Variants in TAF6L observed in about 807,000 individuals in gnomAD.
TAF6L encodes the protein TATA-box binding protein associated factor 6 like, also known as TAF6-like RNA polymerase II p300/CBP-associated factor-associated factor 65 kDa subunit 6L.
Under a neutral mutation model 57.3 loss-of-function variants are expected in TAF6L, and 34 were observed. The observed-to-expected ratio is 0.59, with a 90% confidence interval of 0.45 to 0.79. TAF6L has a LOEUF of 0.79. Ranked by LOEUF, TAF6L falls within the 30% of genes least tolerant of loss-of-function variation. The pLI is 0.00. For missense variants in TAF6L, 782 were observed against 853.2 expected (o/e 0.92, Z 1.04); for synonymous variants, 417 against 376.3 (o/e 1.11, Z -1.25).
chr11:62,786,339 C>T lies in TAF6L; in HGVS notation c.1040C>T (p.Ser347Phe). 3.1e-6 allele frequency: 5 copies of T among 1,614,220 alleles called. No individual in the cohort carries two copies. The highest frequency in any genetic ancestry group is 4.2e-6 in the Non-Finnish European group (5 of 1,180,036). ...LQAVLDDYSV[S>F]NAQVKADGHK... ...GCTGTGCTGGATGATTATTCAGTAT[C>T]TAATGCCCAGGTCAAAGCAGATGGA... Residue 347 changes from serine (S) to phenylalanine (F), a missense_variant, in exon 10 of 11, where the codon TCT becomes TTT. By Grantham distance (155) the Ser-to-Phe change is radical (BLOSUM62 -2). This residue lies in a region of TAF6L where 483 missense variants were observed against 445.1 expected (regional missense o/e 1.09). Transcript: ENST00000294168.
At chr11:62,776,277 C>T (rs760788061) in intron 2 of TAF6L, 107 bp from the exon 3 acceptor site, 19 of 1,099,520 alleles carry the variant, frequency 1.7e-5, no homozygotes, top group East Asian at 2.5e-5. Context: ...GATCCCTAAG[C>T]GTGGTCTCCT....
rs1565192037 is a variant in TAF6L at position 62,787,319 on chromosome 11, GTAAA to G, written c.*29_*32del. 1 of 1,526,466 alleles carries G rather than the reference GTAAA, an allele frequency of 6.6e-7. No individual in the cohort carries two copies. Among genetic ancestry groups the G allele is most frequent in the African/African-American group, 1.4e-5 (1 of 71,614 alleles). The allele number at this position is 1,526,466 out of a possible 1,614,324, so 94.6% of individuals were successfully genotyped here. On this transcript the variant is annotated 3_prime_UTR_variant, in exon 11 of 11. Transcript: ENST00000294168. ...TGAGTCAGTGGCCCCTTCGTTCCTT[GTAAA>G]TAAATCCCGCCCCCGGAAATGACGT...
chr11:62,778,495 A>T (rs1190450704), intron 5 of TAF6L, 160 bp downstream of exon 5: 1 of 823,538 alleles, frequency 1.2e-6, no homozygotes, highest in African/African-American at 1.7e-5. Flanking sequence ...TGGAGGGCTC[A>T]GAGTTGGAGA....
Position 62,778,032 on chromosome 11 carries a change from G to A in TAF6L, c.289G>A (p.Gly97Ser), listed in dbSNP as rs376999644. The A allele has an allele frequency of 5.0e-5, 81 of 1,614,060 alleles. No homozygotes were observed. In the Admixed American group the frequency reaches 7.0e-4, roughly 14 times the overall value. Residue 97 changes from glycine (G) to serine (S), a missense_variant, in exon 4 of 11, where the codon GGT becomes AGT. Coordinates refer to ENST00000294168, the MANE Select transcript of TAF6L (RefSeq NM_006473.4). ...EALPMRPARE[G>S]ELYFPEDREV... ...ACTGCCCATGCGCCCCGCCAGGGAG[G>A]GTGAACTCTACTTTCCTGAGGATCG...
Position 62,786,958 on chromosome 11 carries a change from G to C in TAF6L, c.1531G>C (p.Ala511Pro). 1 of 1,448,394 alleles carries C rather than the reference G, an allele frequency of 6.9e-7. No homozygotes were observed. The allele number at this position is 1,448,394 out of a possible 1,614,324, so 89.7% of individuals were successfully genotyped here. The change falls in exon 11 of 11, where the codon GCG becomes CCG. Residue 511 changes from alanine to proline, a missense_variant. Ala to Pro is a conservative substitution (Grantham distance 27). Around this residue, in one of 3 missense-constraint regions of TAF6L, gnomAD observed 483 missense variants for 445.1 expected, o/e 1.09. Transcript: ENST00000294168. ...CCGGGGCAGCGGCGGAGGCGGCCCC[G>C]CGTCGGCCTCTGGGCCCGCCGCCTC... ...SPRGSGGGGPASASGPAASES... is the reference protein window; with the variant it reads ...SPRGSGGGGPPSASGPAASES...
In TAF6L at chr11:62,778,866, C is replaced by T. The variant is rs757914532; in HGVS notation, c.437-3C>T. 1 of 1,613,784 alleles carries T rather than the reference C, an allele frequency of 6.2e-7. No individual in the cohort carries two copies. On this transcript the variant is annotated splice_region_variant and splice_polypyrimidine_tract_variant and intron_variant, in intron 5 of 10. Transcript: ENST00000294168. ...TCCCTGCTTCCTGCCTGTCCTCTGG[C>T]AGTGCCCAGTGCTGTGTCTTCACTG...
intron 8 of TAF6L, 154 bp from the exon 9 acceptor site, chr11:62,782,539 C>T (rs1349523756): frequency 8.4e-7 from 1 of 1,191,304 alleles, no homozygotes; most frequent in Non-Finnish European, 1.2e-6. Context: ...CTTCAGCCCT[C>T]AGGTCCTAGG....
At chr11:62,785,881 GGTT>G (rs1316131138) in intron 9 of TAF6L, 1 of 160,962 alleles carries the variant, frequency 6.2e-6, no homozygotes, top group Non-Finnish European at 1.4e-5. Flanking sequence ...GTCTCTGGTT[GGTT>G]GTTTTTATGC....
At chr11:62,781,751 G>C (rs1323934844) in intron 6 of TAF6L, 143 bp from the exon 7 acceptor site, 3 of 711,190 alleles carry the variant, frequency 4.2e-6, no homozygotes, top group African/African-American at 1.8e-5. Context: ...TACATTTATA[G>C]AAATAGAATT....
chr11:62,787,267 T>C lies in TAF6L; in HGVS notation c.1840T>C (p.Ser614Pro), dbSNP rs759922469. 3 of 1,561,724 alleles carry C rather than the reference T, an allele frequency of 1.9e-6. No individual in the cohort carries two copies. The highest frequency in any genetic ancestry group is 2.6e-6 in the Non-Finnish European group (3 of 1,162,348). The stretch of plus-strand genomic sequence containing the variant: ...CCGCCCCGCCCGCCGGTGGGCGCTC[T>C]CGGACTACTCGCTGTACTTGCCGCT... ...TSRPARRWAL[S>P]DYSLYLPL The change falls in exon 11 of 11, where the codon TCG (serine) becomes CCG (proline). Residue 614 changes from serine to proline, a missense_variant. Ser to Pro is a moderately conservative substitution (Grantham distance 74, BLOSUM62 -1). Around this residue, in one of 3 missense-constraint regions of TAF6L, gnomAD observed 483 missense variants for 445.1 expected, o/e 1.09. Coordinates refer to ENST00000294168, the MANE Select transcript of TAF6L (RefSeq NM_006473.4).
At chr11:62,773,469 C>T (rs1180169558) in intron 1 of TAF6L, among the ~76,000 whole-genome samples, 4 of 133,926 alleles carry the variant, frequency 3.0e-5, no homozygotes, top group South Asian at 4.7e-4. Flanking sequence ...TTTTTTGAGA[C>T]GGAGTTTTCC....
At position 62,775,780 on chromosome 11, in the gene TAF6L, G is replaced by A. The variant is rs2084182705; in HGVS notation, c.-4G>A. ...CATTCTCCACTCCCAGCTCCACTGG[G>A]GCCATGTCAGAGCGAGAAGAGCGGC... On this transcript the variant is annotated 5_prime_UTR_variant, in exon 2 of 11. Coordinates refer to ENST00000294168, the MANE Select transcript of TAF6L (RefSeq NM_006473.4). 2.5e-6 allele frequency: 4 copies of A among 1,605,770 alleles called. No homozygotes were observed. The highest frequency in any genetic ancestry group is 3.4e-6 in the Non-Finnish European group (4 of 1,179,008).
In TAF6L at chr11:62,786,324, A is replaced by G; in HGVS notation, c.1025A>G (p.Asp342Gly). The part of the protein sequence containing the change: ...TYWTNLQAVL[D>G]DYSVSNAQVK... ...TGGACAAACTTGCAGGCTGTGCTGG[A>G]TGATTATTCAGTATCTAATGCCCAG... is the stretch of plus-strand genomic sequence containing the variant. The change falls in exon 10 of 11, where the codon GAT (aspartate) becomes GGT (glycine). Residue 342 changes from aspartate to glycine, a missense_variant. Physicochemically the swap from Asp to Gly is moderately conservative, Grantham distance 94. Around this residue, in one of 3 missense-constraint regions of TAF6L, gnomAD observed 483 missense variants for 445.1 expected, o/e 1.09. Transcript: ENST00000294168. 1 of 1,614,156 alleles carries G rather than the reference A, an allele frequency of 6.2e-7. No homozygotes were observed. Among genetic ancestry groups the G allele is most frequent in the Non-Finnish European group, 8.5e-7 (1 of 1,180,010 alleles).
intron 6 of TAF6L, among the ~76,000 whole-genome samples, chr11:62,779,969 TA>T (rs1565188240): frequency 4.3e-4 from 32 of 73,614 alleles, no homozygotes; most frequent in African/African-American, 1.2e-3. Context: ...TATATATATA[TA>T]TATATATTTT....
chr11:62,775,285 A>G (rs1328962061), intron 1 of TAF6L, among the ~76,000 whole-genome samples: 1 of 152,154 alleles, frequency 6.6e-6, no homozygotes, highest in Non-Finnish European at 1.5e-5. Context: ...GGAGAACAGC[A>G]TGGGGGAAAA....
At position 62,776,476 on chromosome 11, in the gene TAF6L, T is replaced by TG; in HGVS notation, c.234+10dup. The TG allele has an allele frequency of 1.9e-6, 3 of 1,612,770 alleles. No homozygotes were observed. The highest frequency in any genetic ancestry group is 2.5e-6 in the Non-Finnish European group (3 of 1,179,282). On this transcript the variant is annotated splice_region_variant and intron_variant, in intron 3 of 10. Coordinates refer to ENST00000294168, the MANE Select transcript of TAF6L (RefSeq NM_006473.4). The stretch of plus-strand genomic sequence containing the variant: ...TCAGATGGAGCAGCGTGGAGGTGAG[T>TG]GGGGTGCAGGCTACAGAGGGCTCAG...
Position 62,781,937 on chromosome 11 carries a change from T to A in TAF6L, c.575T>A (p.Leu192His). 1 of 1,614,176 alleles carries A rather than the reference T, an allele frequency of 6.2e-7. No individual in the cohort carries two copies. The highest frequency in any genetic ancestry group is 8.5e-7 in the Non-Finnish European group (1 of 1,180,038). ...DLQTNSKIGA[L>H]LPYFVYVVSG... ...CAGACGAACTCCAAGATTGGGGCAC[T>A]CCTGCCTTACTTTGTTTATGTGGTC... Residue 192 changes from leucine to histidine, a missense_variant, in exon 7 of 11, where the codon CTC becomes CAC. Leu to His is a moderately conservative substitution (Grantham distance 99). Coordinates refer to ENST00000294168, the MANE Select transcript of TAF6L (RefSeq NM_006473.4).
chr11:62,775,380 A>G (rs1318330045), intron 1 of TAF6L, among the ~76,000 whole-genome samples: 1 of 152,160 alleles, frequency 6.6e-6, no homozygotes, highest in Non-Finnish European at 1.5e-5. Flanking sequence ...TTGTGCGGGG[A>G]CACAGCCAAA....
Position 62,786,793 on chromosome 11 carries a change from T to C in TAF6L, c.1366T>C (p.Phe456Leu). The C allele has an allele frequency of 6.2e-7, 1 of 1,610,812 alleles. No homozygotes were observed. Among genetic ancestry groups the C allele is most frequent in the Non-Finnish European group, 8.5e-7 (1 of 1,179,738 alleles). Residue 456 changes from phenylalanine to leucine, a missense_variant, in exon 11 of 11, where the codon TTT (phenylalanine) becomes CTT (leucine). This residue lies in a region of TAF6L where 483 missense variants were observed against 445.1 expected (regional missense o/e 1.09). Coordinates refer to ENST00000294168, the MANE Select transcript of TAF6L (RefSeq NM_006473.4). ...AFFGDSLATRFGTGQPAPTAP... is the reference protein window; with the variant it reads ...AFFGDSLATRLGTGQPAPTAP... Reference sequence around the variant, plus strand: ...CTTCGGTGACAGCTTGGCCACACGCTTTGGCACCGGCCAGCCTGCACCCAC... The same window carrying C: ...CTTCGGTGACAGCTTGGCCACACGCCTTGGCACCGGCCAGCCTGCACCCAC...
Sources: allele counts gnomAD v4.1 joint callset (sites outside exome capture counted in the v4.1 genomes callset), GRCh38; gene constraint gnomAD v4.1.1; regional missense constraint gnomAD v4.1.1; transcripts MANE v1.5; gene names NCBI Gene and HGNC (gene_info 2026-07-23, HGNC 2026-07-21).